The following WDR59 variants were observed in gnomAD, a reference collection of about 807,000 sequenced individuals.
WDR59 encodes WD repeat domain 59, also known as GATOR2 complex protein WDR59.
Under a neutral mutation model 131.2 loss-of-function variants are expected in WDR59, and 100 were observed. The observed-to-expected ratio is 0.76, with a 90% CI of 0.65 to 0.90. The LOEUF is 0.90. Ranked by LOEUF, WDR59 falls within the 40% of genes least tolerant of loss-of-function variation. The pLI is 0.00. For missense variants in WDR59, 1,203 were observed against 1,262.2 expected, an observed-to-expected ratio of 0.95 and a Z score of 0.71; for synonymous variants, 601 against 466.2, an observed-to-expected ratio of 1.29 and a Z score of -3.72.
chr16:74,915,820 C>T (rs1408752546), intron 13 of WDR59, 50 bp downstream of exon 13: 2 of 1,611,470 alleles, frequency 1.2e-6, no homozygotes, highest in Non-Finnish European at 1.7e-6. Flanking sequence ...GTTCCCTCTC[C>T]CACAAACTGC....
At chr16:74,903,179 T>C (rs1421673064) in intron 18 of WDR59, among the ~76,000 whole-genome samples, 1 of 152,234 alleles carries the variant, frequency 6.6e-6, no homozygotes, top group Non-Finnish European at 1.5e-5. Flanking sequence ...TTACAATCCA[T>C]TATTTCCCAC....
In WDR59 at chr16:74,895,363, A is replaced by C. The variant is rs560004735; in HGVS notation, c.1867-1551T>G. On this transcript the variant is annotated intron_variant, in intron 18 of 25. Transcript: ENST00000262144. ...CTGAAATCTCCGCCTCCGGGGTTCA[A>C]GTGATTCTCCTGCCTCAGCCTCCCG... Among the ~76,000 whole-genome samples, 34 of 152,214 alleles carry C rather than the reference A, an allele frequency of 2.2e-4. No individual in the cohort carries two copies. In the South Asian group the frequency reaches 6.9e-3, roughly 31 times the overall value.
chr16:74,912,496 G>A, intron 13 of WDR59, 134 bp from the exon 14 acceptor site: 1 of 908,650 alleles, frequency 1.1e-6, no homozygotes, highest in Non-Finnish European at 1.6e-6. Context: ...AAATGTGTGT[G>A]GAAGACAATT....
At chr16:74,973,627 C>T (rs1156287891) in intron 1 of WDR59, among the ~76,000 whole-genome samples, 19 of 152,174 alleles carry the variant, frequency 1.2e-4, no homozygotes, top group African/African-American at 4.3e-4. Flanking sequence ...ACTCACTACA[C>T]GTTACCTATC....
intron 2 of WDR59, among the ~76,000 whole-genome samples, chr16:74,958,620 A>AAAAC (rs1199806175): frequency 7.1e-6 from 1 of 141,048 alleles, no homozygotes; most frequent in Non-Finnish European, 1.5e-5. Flanking sequence ...AAAAAAAAAA[A>AAAAC]CAAGCTAAAT....
chr16:74,902,438 T>TA (rs5817931), intron 18 of WDR59, among the ~76,000 whole-genome samples: 63,798 of 151,852 alleles, frequency 0.42, 15,375 homozygotes, highest in African/African-American at 0.68. Context: ...GTGTTTGTAG[T>TA]AAAAAAGGCC....
chr16:74,917,527 T>C (rs1170322723), intron 11 of WDR59, among the ~76,000 whole-genome samples: 2 of 152,082 alleles, frequency 1.3e-5, no homozygotes, highest in Non-Finnish European at 2.9e-5. Context: ...ATGTCTATCC[T>C]GCCGGGGAAG....
At chr16:74,894,267 T>C (rs1490223419) in intron 18 of WDR59, among the ~76,000 whole-genome samples, 3 of 152,212 alleles carry the variant, frequency 2.0e-5, no homozygotes, top group African/African-American at 4.8e-5. Flanking sequence ...GTGTGGGCTC[T>C]GCAAACCTTA....
intron 17 of WDR59, among the ~76,000 whole-genome samples, chr16:74,906,320 A>AAAAAAAAAAAAAAAAAAAAAAAAC (rs765077670): frequency 5.1e-5 from 7 of 136,362 alleles, no homozygotes; most frequent in African/African-American, 1.8e-4. Flanking sequence ...TCTCAAAAAA[A>AAAAAAAAAAAAAAAAAAAAAAAAC]AAAAAACCCA....
intron 8 of WDR59, among the ~76,000 whole-genome samples, chr16:74,937,207 C>A (rs2031873490): frequency 6.6e-6 from 1 of 152,158 alleles, no homozygotes; most frequent in Non-Finnish European, 1.5e-5. Flanking sequence ...GACAAACAAA[C>A]AACACTGTAC....
intron 15 of WDR59, 71 bp from the exon 16 acceptor site, chr16:74,909,728 G>A (rs1965990676): frequency 1.3e-5 from 21 of 1,560,496 alleles, no homozygotes; most frequent in Admixed American, 2.0e-5. Flanking sequence ...TAAAGACCCA[G>A]TATGACAAAA....
intron 8 of WDR59, among the ~76,000 whole-genome samples, chr16:74,928,441 A>T (rs1265243220): frequency 6.8e-6 from 1 of 146,738 alleles, no homozygotes; most frequent in Non-Finnish European, 1.5e-5. Context: ...CTGGTCTTGA[A>T]CTCCTGGGCT....
At chr16:74,956,165 C>T (rs1192019343) in intron 3 of WDR59, among the ~76,000 whole-genome samples, 5 of 152,112 alleles carry the variant, frequency 3.3e-5, no homozygotes, top group Non-Finnish European at 7.4e-5. Context: ...GCCATTTGTC[C>T]GCTGGCTAGT....
In WDR59 at chr16:74,874,232, A is replaced by C. The variant is rs748873817; in HGVS notation, c.2902T>G (p.Cys968Gly). The change falls in exon 26 of 26, where the codon TGC (cysteine) becomes GGC (glycine). Residue 968 changes from cysteine (C) to glycine (G), a missense_variant. By Grantham distance (159) the Cys-to-Gly change is radical. Coordinates refer to ENST00000262144, the MANE Select transcript of WDR59 (RefSeq NM_030581.4). ...EVCPTGCGCH[C>G]LLESTF is the part of the protein sequence containing the mutation. The stretch of plus-strand genomic sequence containing the variant: ...GTTCAGAAAGTGCTTTCAAGCAGGC[A>C]GTGGCACCCACACCCGGTGGGACAC... 2 of 1,614,110 alleles carry C rather than the reference A, an allele frequency of 1.2e-6. No individual in the cohort carries two copies. The highest frequency in any genetic ancestry group is 1.7e-6 in the Non-Finnish European group (2 of 1,179,984).
intron 19 of WDR59, 39 bp from the exon 20 acceptor site, chr16:74,892,604 T>C: frequency 1.3e-6 from 2 of 1,531,598 alleles, no homozygotes; most frequent in Non-Finnish European, 1.8e-6. Context: ...TTCTTTCTAG[T>C]GTAACTTCCC....
rs1165379779 is a variant in WDR59 at position 74,944,841 on chromosome 16, G to C, written c.446-2015C>G. Among the ~76,000 whole-genome samples the C allele has an allele frequency of 9.2e-5, 14 of 152,236 alleles. No homozygotes were observed. In the East Asian group the frequency reaches 2.5e-3, roughly 27 times the overall value. On this transcript the variant is annotated intron_variant, in intron 6 of 25. Transcript: ENST00000262144. ...AATGAGAACAGGCAGGCTAAAAAAA[G>C]AACCACTTTCAGCTGGGCGCAGAGG...
intron 8 of WDR59, among the ~76,000 whole-genome samples, chr16:74,925,678 G>A (rs1014969686): frequency 6.6e-6 from 1 of 152,118 alleles, no homozygotes; most frequent in South Asian, 2.1e-4. Context: ...TCAGTGTCAT[G>A]GAACTGTTTG....
At chr16:74,943,109 T>C (rs1016415091) in intron 6 of WDR59, among the ~76,000 whole-genome samples, 1 of 152,194 alleles carries the variant, frequency 6.6e-6, no homozygotes, top group Non-Finnish European at 1.5e-5. Flanking sequence ...CATAGTTTCT[T>C]ACAGAGCAGT....
At position 74,887,769 on chromosome 16, in the gene WDR59, G is replaced by A. The variant is rs1370036107; in HGVS notation, c.2347-14C>T. ...GGTAAAGCTAGGCTACAGAAGGGAA[G>A]AGAAGAACCAACAGGACTAGCATGA... On this transcript the variant is annotated splice_polypyrimidine_tract_variant and intron_variant, in intron 22 of 25. Transcript: ENST00000262144. 3.7e-6 allele frequency: 6 copies of A among 1,611,930 alleles called. No individual in the cohort carries two copies. The highest frequency in any genetic ancestry group is 5.1e-6 in the Non-Finnish European group (6 of 1,178,290).
Sources: gnomAD v4.1 joint callset for allele counts (sites outside exome capture counted in the v4.1 genomes callset) on GRCh38, gnomAD v4.1.1 for gene constraint, MANE v1.5 for transcripts, NCBI Gene and HGNC (gene_info 2026-07-23, HGNC 2026-07-21) for gene names.